Variants in ADAMTS14 observed in about 807,000 individuals in gnomAD.
ADAMTS14 encodes A disintegrin and metalloproteinase with thrombospondin motifs 14.
A neutral mutation model predicts 128.6 loss-of-function variants in ADAMTS14; 100 were observed. That is an observed-to-expected ratio of 0.78 (90% CI 0.66 to 0.92). ADAMTS14 has a LOEUF of 0.92. Among genes scored for constraint, ADAMTS14 ranks in the 40% least tolerant of loss-of-function variants. The pLI is 0.00. For missense variants in ADAMTS14, 1,562 were observed against 1,658.6 expected, an observed-to-expected ratio of 0.94 and a Z score of 1.01; for synonymous variants, 665 against 653.8, an observed-to-expected ratio of 1.02 and a Z score of -0.26.
At position 70,753,927 on chromosome 10, in the gene ADAMTS14, G is replaced by C; in HGVS notation, c.2857G>C (p.Ala953Pro). The change falls in exon 19 of 22, where the codon GCC (alanine) becomes CCC (proline). Residue 953 changes from alanine (A) to proline (P), a missense_variant. By Grantham distance (27) the Ala-to-Pro change is conservative. Transcript: ENST00000373207. ...CAAGGTCATGCCGGCCAAAGCCTGC[G>C]CCGGGGACCGGCCTGAGGCCCGACG... ...THKVMPAKACAGDRPEARRPC... is the reference protein window; with the variant it reads ...THKVMPAKACPGDRPEARRPC... 6.3e-6 allele frequency: 10 copies of C among 1,588,268 alleles called. No homozygotes were observed. The highest frequency in any genetic ancestry group is 7.7e-6 in the Non-Finnish European group (9 of 1,168,228).
In ADAMTS14 at chr10:70,761,869, G is replaced by A. The variant is rs777151958; in HGVS notation, c.*1016G>A. On this transcript the variant is annotated 3_prime_UTR_variant, in exon 22 of 22. Coordinates refer to ENST00000373207, the MANE Select transcript of ADAMTS14 (RefSeq NM_080722.4). Reference sequence around the variant, plus strand: ...GTGTGTGGTTCTCCCAGGGGTGGTTGGACCCCAGGACTGAGGACCAGAGTC... The same window carrying A: ...GTGTGTGGTTCTCCCAGGGGTGGTTAGACCCCAGGACTGAGGACCAGAGTC... 2.6e-5 allele frequency: 4 copies of A among 152,342 alleles called. No homozygotes were observed. In the East Asian group the frequency reaches 5.8e-4, roughly 22 times the overall value. 9.4% of individuals were successfully genotyped at this position (152,342 alleles called of 1,614,324 possible).
chr10:70,682,435 G>A (rs1193080022), intron 2 of ADAMTS14, among the ~76,000 whole-genome samples: 1 of 152,222 alleles, frequency 6.6e-6, no homozygotes, highest in Non-Finnish European at 1.5e-5. Context: ...GCATGTGCTG[G>A]GGGGTGAGTG....
At chr10:70,712,212 T>G (rs1589288392) in intron 4 of ADAMTS14, among the ~76,000 whole-genome samples, 1 of 151,936 alleles carries the variant, frequency 6.6e-6, no homozygotes, top group Non-Finnish European at 1.5e-5. Flanking sequence ...GAGCCAGGTT[T>G]GGCCCCTGGA....
intron 2 of ADAMTS14, among the ~76,000 whole-genome samples, chr10:70,693,582 T>C (rs1176397921): frequency 1.3e-5 from 2 of 152,146 alleles, no homozygotes; most frequent in African/African-American, 4.8e-5. Flanking sequence ...AGCACAATGA[T>C]GTTAAGTAAG....
chr10:70,694,881 G>A lies in ADAMTS14; in HGVS notation c.523-7431G>A, dbSNP rs191444971. On this transcript the variant is annotated intron_variant, in intron 2 of 21. Coordinates refer to ENST00000373207, the MANE Select transcript of ADAMTS14 (RefSeq NM_080722.4). ...TGGACATATGTTTTCTTTCTCTTGGGTGCTTACACTTTGGAAGGGGAATTG... is the reference window on the plus strand; with the variant it reads ...TGGACATATGTTTTCTTTCTCTTGGATGCTTACACTTTGGAAGGGGAATTG... Among the ~76,000 whole-genome samples the A allele has an allele frequency of 2.5e-3, 386 of 152,230 alleles. 1 individual carries two copies. Among genetic ancestry groups the A allele is most frequent in the African/African-American group, 8.8e-3 (365 of 41,540 alleles).
At chr10:70,719,599 G>A (rs1416272733) in intron 4 of ADAMTS14, among the ~76,000 whole-genome samples, 1 of 151,790 alleles carries the variant, frequency 6.6e-6, no homozygotes, top group East Asian at 1.9e-4. Context: ...AAATAGACAA[G>A]GTCTCACTAC....
At chr10:70,739,260 C>T (rs1004861834) in intron 11 of ADAMTS14, among the ~76,000 whole-genome samples, 2 of 152,064 alleles carry the variant, frequency 1.3e-5, no homozygotes. Flanking sequence ...TCTGGGTGGC[C>T]CTACTTCTTC....
At chr10:70,703,100 G>A (rs1215405940) in intron 3 of ADAMTS14, among the ~76,000 whole-genome samples, 1 of 152,208 alleles carries the variant, frequency 6.6e-6, no homozygotes, top group Non-Finnish European at 1.5e-5. Flanking sequence ...TGGATAAATG[G>A]CAGCTCTCCT....
At chr10:70,706,862 G>A (rs566550307) in intron 3 of ADAMTS14, among the ~76,000 whole-genome samples, 5 of 152,364 alleles carry the variant, frequency 3.3e-5, no homozygotes, top group East Asian at 3.9e-4. Context: ...GGGTAGCAGC[G>A]TAGAGGCGGC....
intron 4 of ADAMTS14, among the ~76,000 whole-genome samples, chr10:70,709,121 C>T (rs1271022765): frequency 1.3e-5 from 2 of 152,162 alleles, no homozygotes; most frequent in African/African-American, 4.8e-5. Context: ...TCAGGCGTGG[C>T]CTGGAGCCTT....
intron 2 of ADAMTS14, among the ~76,000 whole-genome samples, chr10:70,697,597 G>A (rs1840367086): frequency 6.6e-6 from 1 of 152,162 alleles, no homozygotes; most frequent in Non-Finnish European, 1.5e-5. Context: ...AAACAATTTG[G>A]CCTCAATTAC....
chr10:70,735,486 A>G lies in ADAMTS14; in HGVS notation c.1485+185A>G, dbSNP rs184653833. 2.6e-4 allele frequency among the ~76,000 whole-genome samples: 40 copies of G among 152,346 alleles called. 1 individual carries two copies. Among genetic ancestry groups the G allele is most frequent in the Non-Finnish European group, 4.3e-4 (29 of 68,018 alleles). ...TGAACACCTGTGGGGGCAGGTGGAC[A>G]CAGTGGCTTGGGAATGCATTAGCCC... On this transcript the variant is annotated intron_variant, in intron 9 of 21. Transcript: ENST00000373207.
intron 2 of ADAMTS14, among the ~76,000 whole-genome samples, chr10:70,690,425 T>C (rs1426589187): frequency 6.9e-6 from 1 of 144,926 alleles, no homozygotes; most frequent in Non-Finnish European, 1.6e-5. Flanking sequence ...GGTCATTGTG[T>C]CATCAGGAGC....
chr10:70,746,010 G>A (rs12221267), intron 15 of ADAMTS14, among the ~76,000 whole-genome samples: 26,400 of 152,156 alleles, frequency 0.17, 2,937 homozygotes, highest in East Asian at 0.53. Flanking sequence ...CAAATCACAT[G>A]GACAAGCCCA....
intron 4 of ADAMTS14, among the ~76,000 whole-genome samples, chr10:70,715,662 G>A (rs1841015833): frequency 6.6e-6 from 1 of 152,172 alleles, no homozygotes; most frequent in Non-Finnish European, 1.5e-5. Flanking sequence ...GAATTTGGGA[G>A]CTTCCCTTGG....
chr10:70,695,933 C>A (rs1228951885), intron 2 of ADAMTS14, among the ~76,000 whole-genome samples: 3 of 152,176 alleles, frequency 2.0e-5, no homozygotes, highest in African/African-American at 7.2e-5. Context: ...CTGGCTATGG[C>A]CATGTTGTGG....
chr10:70,680,339 A>C (rs1045452979), intron 2 of ADAMTS14, among the ~76,000 whole-genome samples: 1 of 152,164 alleles, frequency 6.6e-6, no homozygotes, highest in African/African-American at 2.4e-5. Flanking sequence ...CGGGAGGTGG[A>C]GGTTGCAGTG....
rs1022120582 is a variant in ADAMTS14 at position 70,708,662 on chromosome 10, C to T, written c.754C>T (p.Arg252Trp). The change falls in exon 4 of 22, where the codon CGG becomes TGG. Residue 252 changes from arginine to tryptophan, a missense_variant. Physicochemically the swap from Arg to Trp is moderately radical, Grantham distance 101. Coordinates refer to ENST00000373207, the MANE Select transcript of ADAMTS14 (RefSeq NM_080722.4). Reference sequence around the variant, plus strand: ...GCTGGGCGACACAGAGCGGAAGCGGCGGCATGCCAAGCCAGGCAGCTACAG... The same window carrying T: ...GCTGGGCGACACAGAGCGGAAGCGGTGGCATGCCAAGCCAGGCAGCTACAG... Reference protein sequence around the residue: ...DQLGDTERKRRHAKPGSYSIE... With the variant: ...DQLGDTERKRWHAKPGSYSIE... The T allele has an allele frequency of 3.2e-5, 52 of 1,613,536 alleles. No individual in the cohort carries two copies. Among genetic ancestry groups the T allele is most frequent in the Admixed American group, 6.7e-5 (4 of 59,988 alleles).
intron 2 of ADAMTS14, among the ~76,000 whole-genome samples, chr10:70,683,289 C>T (rs1366217777): frequency 6.6e-6 from 1 of 152,244 alleles, no homozygotes; most frequent in African/African-American, 2.4e-5. Flanking sequence ...GAGCTGGTTT[C>T]TCATGTTTGC....
Sources: gnomAD v4.1 joint callset for allele counts (sites outside exome capture counted in the v4.1 genomes callset) on GRCh38, gnomAD v4.1.1 for gene constraint, MANE v1.5 for transcripts, NCBI Gene and HGNC (gene_info 2026-07-23, HGNC 2026-07-21) for gene names.